The following SORCS2 variants were observed in gnomAD, a reference collection of about 807,000 sequenced individuals.
SORCS2 encodes the protein sortilin related VPS10 domain containing receptor 2.
SORCS2 carries 100 observed loss-of-function variants against 141.6 expected under a neutral mutation model. The observed-to-expected ratio is 0.71, with a 90% CI of 0.60 to 0.83. The LOEUF (loss-of-function observed/expected upper bound fraction) is 0.83. SORCS2 is among the 40% of genes least tolerant of loss of function. The probability of loss-of-function intolerance (pLI) is 0.00; values close to 1 mark genes in which losing one functional copy is unlikely to be tolerated. For missense variants in SORCS2, 1,646 were observed against 1,560.2 expected, an observed-to-expected ratio of 1.05 and a Z score of -0.93; for synonymous variants, 789 against 676.9, an observed-to-expected ratio of 1.17 and a Z score of -2.57.
At chr4:7,305,303 T>A (rs966441308) in intron 1 of SORCS2, among the ~76,000 whole-genome samples, 7 of 151,586 alleles carry the variant, frequency 4.6e-5, no homozygotes, top group Non-Finnish European at 5.9e-5. Flanking sequence ...AGTGCTGGGA[T>A]CACAGGCGTG....
rs1033670759 is a variant in SORCS2, at chr4:7,585,297, A to G, written c.649-53031A>G. Among the ~76,000 whole-genome samples the G allele has an allele frequency of 3.7e-4, 56 of 152,330 alleles. 2 individuals are homozygous for G. Among genetic ancestry groups the G allele is most frequent in the Middle Eastern group, 3.4e-3 (1 of 294 alleles). On this transcript the variant is annotated intron_variant, in intron 3 of 26. Coordinates refer to ENST00000507866, the MANE Select transcript of SORCS2 (RefSeq NM_020777.3). ...AACCGTCAGCTCTAGTGCGGCCTGC[A>G]TTCCTGCACCAGTATCTCAAAACCC...
In SORCS2 at chr4:7,601,860, G is replaced by T. The variant is rs912660901; in HGVS notation, c.649-36468G>T. ...GTCCCTGAGTATGTGAGATTAGGGA[G>T]CGGTGATGACTCTTAACGAGCATGC... On this transcript the variant is annotated intron_variant, in intron 3 of 26. Transcript: ENST00000507866. Among the ~76,000 whole-genome samples, 5 of 152,192 alleles carry T rather than the reference G, an allele frequency of 3.3e-5. No homozygotes were observed. The South Asian group carries it at 1.0e-3, about 32-fold the overall frequency.
chr4:7,725,180 G>A lies in SORCS2; in HGVS notation c.2638G>A (p.Val880Met), dbSNP rs759012285. The change falls in exon 20 of 27, where the codon GTG (valine) becomes ATG (methionine). Residue 880 changes from valine to methionine, a missense_variant. Coordinates refer to ENST00000507866, the MANE Select transcript of SORCS2 (RefSeq NM_020777.3). ...NSPLQALYLEVVPVIGLNQEV... is the reference protein window; with the variant it reads ...NSPLQALYLEMVPVIGLNQEV... ...CCCCCTGCAGGCCCTCTACCTGGAG[G>A]TGGTTCCTGTCATTGGCCTCAACCA... 2 of 1,613,370 alleles carry A rather than the reference G, an allele frequency of 1.2e-6. No individual in the cohort carries two copies. Among genetic ancestry groups the A allele is most frequent in the Admixed American group, 1.7e-5 (1 of 59,976 alleles).
At chr4:7,349,905 T>A (rs1720841959) in intron 1 of SORCS2, among the ~76,000 whole-genome samples, 1 of 152,208 alleles carries the variant, frequency 6.6e-6, no homozygotes, top group African/African-American at 2.4e-5. Flanking sequence ...GTGTTTGGTG[T>A]TCCGAGCAGA....
chr4:7,474,315 C>G (rs1299823061), intron 2 of SORCS2, among the ~76,000 whole-genome samples: 1 of 152,224 alleles, frequency 6.6e-6, no homozygotes, highest in Non-Finnish European at 1.5e-5. Context: ...CTGCGGTTGG[C>G]TCTGCCTGAG....
chr4:7,677,103 C>T (rs1723216783), intron 9 of SORCS2, among the ~76,000 whole-genome samples: 1 of 152,084 alleles, frequency 6.6e-6, no homozygotes, highest in African/African-American at 2.4e-5. Flanking sequence ...CCCAGCCCTC[C>T]ACCCTCCCTG....
intron 2 of SORCS2, among the ~76,000 whole-genome samples, chr4:7,417,878 G>T (rs573547056): frequency 6.6e-6 from 1 of 152,340 alleles, no homozygotes; most frequent in South Asian, 2.1e-4. Flanking sequence ...AAGGGTGAGG[G>T]GGAGCAGCCC....
intron 1 of SORCS2, among the ~76,000 whole-genome samples, chr4:7,321,861 C>A (rs1718914610): frequency 6.6e-6 from 1 of 152,080 alleles, no homozygotes; most frequent in African/African-American, 2.4e-5. Context: ...ATAGTTCCCA[C>A]CCTCTGGGGC....
intron 2 of SORCS2, among the ~76,000 whole-genome samples, chr4:7,491,737 C>T (rs4301118): frequency 0.6 from 90,525 of 151,974 alleles, 27,764 homozygotes; most frequent in East Asian, 0.9. Context: ...CACAGCAGCC[C>T]ACCCACCCCC....
intron 2 of SORCS2, among the ~76,000 whole-genome samples, chr4:7,467,751 G>A (rs1484683533): frequency 1.3e-5 from 2 of 152,222 alleles, no homozygotes; most frequent in East Asian, 1.9e-4. Context: ...CACAAAATGA[G>A]GGGCTGCATT....
chr4:7,488,078 T>C (rs1346230956), intron 2 of SORCS2, among the ~76,000 whole-genome samples: 1 of 152,174 alleles, frequency 6.6e-6, no homozygotes, highest in South Asian at 2.1e-4. Context: ...TCCCGGTACC[T>C]GAGCCCTGTG....
chr4:7,476,413 G>A (rs761999806), intron 2 of SORCS2, among the ~76,000 whole-genome samples: 24 of 152,074 alleles, frequency 1.6e-4, no homozygotes, highest in African/African-American at 5.3e-4. Flanking sequence ...GGGATGTGTC[G>A]GTGTTTGCTC....
chr4:7,689,468 C>T lies in SORCS2; in HGVS notation c.1489-18C>T, dbSNP rs1230170732. 1 of 1,576,926 alleles carries T rather than the reference C, an allele frequency of 6.3e-7. No homozygotes were observed. Among genetic ancestry groups the T allele is most frequent in the African/African-American group, 1.4e-5 (1 of 74,020 alleles). On this transcript the variant is annotated intron_variant, in intron 10 of 26. Coordinates refer to ENST00000507866, the MANE Select transcript of SORCS2 (RefSeq NM_020777.3). ...CCTACTCATGTGTTGACAGTTGCGT[C>T]CTTTCTCTTCCTTGCAGCCAGACTG...
At chr4:7,503,486 G>A (rs1037785246) in intron 2 of SORCS2, among the ~76,000 whole-genome samples, 1 of 140,234 alleles carries the variant, frequency 7.1e-6, no homozygotes, top group Non-Finnish European at 1.6e-5. Flanking sequence ...ACATAGAGGG[G>A]CAGAGACATA....
intron 1 of SORCS2, among the ~76,000 whole-genome samples, chr4:7,378,316 G>A (rs185702622): frequency 6.6e-6 from 1 of 152,288 alleles, no homozygotes; most frequent in Non-Finnish European, 1.5e-5. Context: ...TTGGGGCTCT[G>A]TATTAGTCTG....
chr4:7,220,867 T>C (rs1200723078), intron 1 of SORCS2, among the ~76,000 whole-genome samples: 1 of 152,122 alleles, frequency 6.6e-6, no homozygotes, highest in Non-Finnish European at 1.5e-5. Context: ...GTTTAATTCC[T>C]TTTCTGTCTC....
At chr4:7,300,097 G>A (rs375244327) in intron 1 of SORCS2, among the ~76,000 whole-genome samples, 8 of 152,304 alleles carry the variant, frequency 5.3e-5, no homozygotes, top group Admixed American at 3.3e-4. Context: ...GCTGAGGACC[G>A]GGAGGTGGAA....
At chr4:7,721,231 G>A (rs1328457432) in intron 18 of SORCS2, among the ~76,000 whole-genome samples, 5 of 152,190 alleles carry the variant, frequency 3.3e-5, no homozygotes, top group Admixed American at 1.3e-4. Flanking sequence ...TTGGGAGGCC[G>A]AGGTGGGTGG....
At chr4:7,737,272 G>T in intron 26 of SORCS2, 100 bp downstream of exon 26, 1 of 1,501,958 alleles carries the variant, frequency 6.7e-7, no homozygotes, top group Non-Finnish European at 8.9e-7. Flanking sequence ...TGGGCCGCTG[G>T]GGCCAGCAAA....
Sources: gnomAD v4.1 joint callset for allele counts (sites outside exome capture counted in the v4.1 genomes callset) on GRCh38, gnomAD v4.1.1 for gene constraint, MANE v1.5 for transcripts, NCBI Gene and HGNC (gene_info 2026-07-23, HGNC 2026-07-21) for gene names.